GRIA1: variants seen among roughly 807,000 people sequenced by gnomAD.
GRIA1 encodes glutamate ionotropic receptor AMPA type subunit 1.
Under a neutral mutation model 99.2 loss-of-function variants are expected in GRIA1, and 31 were observed. The observed-to-expected ratio is 0.31, with a 90% CI of 0.23 to 0.42. The LOEUF (loss-of-function observed/expected upper bound fraction) is 0.42. Ranked by LOEUF, GRIA1 falls within the 10% of genes least tolerant of loss-of-function variation. GRIA1 has a pLI of 1.00. For missense variants in GRIA1, 782 were observed against 1,157.5 expected (o/e 0.68, Z 4.71); for synonymous variants, 438 against 432.4 (o/e 1.01, Z -0.16).
chr5:153,515,432 T>A (rs1756521320), intron 2 of GRIA1, among the ~76,000 whole-genome samples: 1 of 152,128 alleles, frequency 6.6e-6, no homozygotes, highest in Non-Finnish European at 1.5e-5. Context: ...AGCATCAAAC[T>A]CGTAGAAGTA....
chr5:153,684,714 T>C (rs13168229), intron 7 of GRIA1, among the ~76,000 whole-genome samples: 55,619 of 152,068 alleles, frequency 0.37, 10,717 homozygotes, highest in South Asian at 0.45. Flanking sequence ...GAAGGTGAAG[T>C]TGCTGATGGA....
chr5:153,625,717 G>A (rs1212775573), intron 2 of GRIA1, among the ~76,000 whole-genome samples: 2 of 152,220 alleles, frequency 1.3e-5, no homozygotes, highest in African/African-American at 4.8e-5. Context: ...AGCCTTGAAA[G>A]AGAAAATTCA....
chr5:153,614,341 G>A (rs1766277322), intron 2 of GRIA1, among the ~76,000 whole-genome samples: 1 of 152,172 alleles, frequency 6.6e-6, no homozygotes, highest in African/African-American at 2.4e-5. Flanking sequence ...GTGTTTGATA[G>A]TGACAATAGT....
intron 2 of GRIA1, among the ~76,000 whole-genome samples, chr5:153,612,290 T>G (rs1010395230): frequency 3.3e-5 from 5 of 152,164 alleles, no homozygotes; most frequent in African/African-American, 1.2e-4. Context: ...TACTAGTGAA[T>G]ATGCTGAATC....
At chr5:153,658,313 C>G (rs896704627) in intron 5 of GRIA1, among the ~76,000 whole-genome samples, 3 of 152,098 alleles carry the variant, frequency 2.0e-5, no homozygotes, top group Admixed American at 6.6e-5. Context: ...CACTGAAAGA[C>G]CCCAGGTAAT....
At chr5:153,630,836 C>G (rs990710709) in intron 2 of GRIA1, among the ~76,000 whole-genome samples, 2 of 152,110 alleles carry the variant, frequency 1.3e-5, no homozygotes, top group Non-Finnish European at 1.5e-5. Flanking sequence ...GTGGTGGTTG[C>G]TTGGTGTATG....
intron 2 of GRIA1, among the ~76,000 whole-genome samples, chr5:153,583,701 C>G (rs1056058632): frequency 5.3e-5 from 8 of 152,026 alleles, no homozygotes; most frequent in Non-Finnish European, 1.2e-4. Flanking sequence ...AGGAGATACC[C>G]AAAACATGAC....
chr5:153,528,297 C>T (rs559294), intron 2 of GRIA1, among the ~76,000 whole-genome samples: 53,709 of 151,854 alleles, frequency 0.35, 9,881 homozygotes, highest in African/African-American at 0.46. Context: ...TTTTGATCTT[C>T]TGAGATTTCA....
Position 153,697,317 on chromosome 5 carries a change from T to C in GRIA1, c.1135-727T>C, listed in dbSNP as rs115555186. ...CCTATCTCTCAGACTTCTTTGCATC[T>C]CGTCAACCCTGCCTGACAACAAGCA... On this transcript the variant is annotated intron_variant, in intron 8 of 15. Transcript: ENST00000285900. Among the ~76,000 whole-genome samples the C allele has an allele frequency of 4.1e-3, 630 of 152,354 alleles. 5 individuals carry two copies. The highest frequency in any genetic ancestry group is 0.014 in the African/African-American group (597 of 41,584).
chr5:153,729,356 C>A (rs1430366703), intron 11 of GRIA1, among the ~76,000 whole-genome samples: 1 of 151,688 alleles, frequency 6.6e-6, no homozygotes, highest in Admixed American at 6.6e-5. Context: ...GCACATTGTG[C>A]ACATGTACCC....
In GRIA1 at chr5:153,811,375, GA is replaced by G; in HGVS notation, c.*152del. 1 of 622,750 alleles carries G rather than the reference GA, an allele frequency of 1.6e-6. No individual in the cohort carries two copies. Among genetic ancestry groups the G allele is most frequent in the Non-Finnish European group, 2.9e-6 (1 of 347,954 alleles). The allele number at this position is 622,750 out of a possible 1,614,324, so 38.6% of individuals were successfully genotyped here. On this transcript the variant is annotated 3_prime_UTR_variant, in exon 16 of 16. Coordinates refer to ENST00000285900, the MANE Select transcript of GRIA1 (RefSeq NM_000827.4). The stretch of plus-strand genomic sequence containing the variant: ...GGATGATTCAACAGGTTTTCCTGAA[GA>G]ATTGAAAAACCATTTTGCTGTCCCT...
rs143089459 is a variant in GRIA1, at chr5:153,705,970, C to A, written c.1726C>A (p.Gln576Lys). The change falls in exon 11 of 16, where the codon CAG (glutamine) becomes AAG (lysine). Residue 576 changes from glutamine (Q) to lysine (K), a missense_variant. Physicochemically the swap from Gln to Lys is moderately conservative, Grantham distance 53. Around this residue, in one of 5 missense-constraint regions of GRIA1, gnomAD observed 39 missense variants for 43.5 expected, o/e 0.90. Coordinates refer to ENST00000285900, the MANE Select transcript of GRIA1 (RefSeq NM_000827.4). Reference protein sequence around the residue: ...HSEEFEEGRDQTTSDQSNEFG... With the variant: ...HSEEFEEGRDKTTSDQSNEFG... Reference sequence around the variant, plus strand: ...TGAAGAGTTTGAGGAAGGACGGGACCAGACAACCAGTGACCAGTCCAATGA... The same window carrying A: ...TGAAGAGTTTGAGGAAGGACGGGACAAGACAACCAGTGACCAGTCCAATGA... The A allele has an allele frequency of 6.2e-7, 1 of 1,613,954 alleles. No individual in the cohort carries two copies.
intron 1 of GRIA1, chr5:153,491,297 A>G (rs1297778162): frequency 8.0e-6 from 10 of 1,246,494 alleles, no homozygotes; most frequent in Non-Finnish European, 1.0e-5. Flanking sequence ...AGTTAACTCT[A>G]TTGCTTGGTA....
chr5:153,781,142 A>T (rs1355558007), intron 13 of GRIA1, among the ~76,000 whole-genome samples: 1 of 152,164 alleles, frequency 6.6e-6, no homozygotes, highest in Non-Finnish European at 1.5e-5. Context: ...CCTCAGAGTG[A>T]AAGGGGCAAA....
chr5:153,782,729 A>G (rs1336137781), intron 13 of GRIA1, among the ~76,000 whole-genome samples: 1 of 152,190 alleles, frequency 6.6e-6, no homozygotes, highest in East Asian at 1.9e-4. Context: ...AGGAGGCAGC[A>G]TTCCCTGAAC....
intron 14 of GRIA1, among the ~76,000 whole-genome samples, chr5:153,800,405 T>G (rs1011561142): frequency 6.6e-6 from 1 of 152,214 alleles, no homozygotes; most frequent in Non-Finnish European, 1.5e-5. Flanking sequence ...GTTCTAAAAA[T>G]CATGTGAAGT....
intron 2 of GRIA1, among the ~76,000 whole-genome samples, chr5:153,604,377 TA>T (rs1174367653): frequency 6.6e-6 from 1 of 151,916 alleles, no homozygotes; most frequent in East Asian, 1.9e-4. Context: ...TCTAATTTGT[TA>T]AAAAAAACAG....
chr5:153,718,231 G>C (rs1021195624), intron 11 of GRIA1, among the ~76,000 whole-genome samples: 2 of 152,208 alleles, frequency 1.3e-5, no homozygotes, highest in East Asian at 3.8e-4. Context: ...TAATAAAGCA[G>C]AACATGCTTT....
At chr5:153,515,470 G>A (rs562367564) in intron 2 of GRIA1, among the ~76,000 whole-genome samples, 61 of 152,276 alleles carry the variant, frequency 4.0e-4, no homozygotes, top group African/African-American at 1.5e-3. Flanking sequence ...TGCAGAGGCT[G>A]GGGACTTGGG....
Sources: gnomAD v4.1 joint callset for allele counts (sites outside exome capture counted in the v4.1 genomes callset) on GRCh38, gnomAD v4.1.1 for gene constraint, gnomAD v4.1.1 regional missense constraint, MANE v1.5 for transcripts, NCBI Gene and HGNC (gene_info 2026-07-23, HGNC 2026-07-21) for gene names.